Variants in CFAP20DC observed in about 807,000 individuals in gnomAD.
CFAP20DC encodes the protein protein CFAP20DC.
Under a neutral mutation model 101.7 loss-of-function variants are expected in CFAP20DC, and 84 were observed. The ratio of observed to expected loss-of-function variants is 0.83; its 90% CI spans 0.69 to 0.99. The LOEUF (loss-of-function observed/expected upper bound fraction) is 0.99, where lower values mean the gene tolerates loss of function less well. CFAP20DC is among the 50% of genes least tolerant of loss of function. The pLI is 0.00. For missense variants in CFAP20DC, 1,007 were observed against 970.3 expected (o/e 1.04, Z -0.50); for synonymous variants, 359 against 351.2 (o/e 1.02, Z -0.25).
Position 58,788,646 on chromosome 3 carries a change from A to G in CFAP20DC, c.2237+17749T>C, listed in dbSNP as rs1189021670. On this transcript the variant is annotated intron_variant, in intron 15 of 16. Transcript: ENST00000482387. This position sits in a 1 kb window ranked among gnomAD's most constrained non-coding sequence, Gnocchi z 4.2. ...CAGTGGAAAACACTTTGACAATCCAATGTGGAACTGTATATTAGACACACA... is the reference window on the plus strand; with the variant it reads ...CAGTGGAAAACACTTTGACAATCCAGTGTGGAACTGTATATTAGACACACA... Among the ~76,000 whole-genome samples the G allele has an allele frequency of 6.6e-6, 1 of 152,046 alleles. No homozygotes were observed. Among genetic ancestry groups the G allele is most frequent in the Non-Finnish European group, 1.5e-5 (1 of 67,976 alleles).
At position 58,974,563 on chromosome 3, in the gene CFAP20DC, C is replaced by T. The variant is rs148779853; in HGVS notation, c.279-36801G>A. Among the ~76,000 whole-genome samples, 447 of 152,144 alleles carry T rather than the reference C, an allele frequency of 2.9e-3. 3 individuals are homozygous for T. The highest frequency in any genetic ancestry group is 0.014 in the Middle Eastern group (4 of 294). On this transcript the variant is annotated intron_variant, in intron 4 of 16. Coordinates refer to ENST00000482387, the MANE Select transcript of CFAP20DC (RefSeq NM_001394063.1). ...AGAATGATCCTGTATGGCAGATGCA[C>T]CTGAATATGTGTTCAGAGCTAGGGA...
Position 58,799,756 on chromosome 3 carries a change from T to TGC in CFAP20DC, c.2237+6638_2237+6639insGC, listed in dbSNP as rs1417940847. On this transcript the variant is annotated intron_variant, in intron 15 of 16. Transcript: ENST00000482387. The surrounding 1 kb of genome is among the most constrained non-coding windows in gnomAD (Gnocchi z 4.9). The stretch of plus-strand genomic sequence containing the variant: ...GTCTGTGTGTGTGTGTGTGTGTGTG[T>TGC]GTGTGTGTGTGTAGAAAACAGACAA... Among the ~76,000 whole-genome samples, 1 of 151,198 alleles carries TGC rather than the reference T, an allele frequency of 6.6e-6. No individual in the cohort carries two copies. The highest frequency in any genetic ancestry group is 2.4e-5 in the African/African-American group (1 of 41,224).
At chr3:58,816,836 A>G (rs948229578) in intron 14 of CFAP20DC, among the ~76,000 whole-genome samples, 2 of 152,182 alleles carry the variant, frequency 1.3e-5, no homozygotes, top group African/African-American at 4.8e-5. Flanking sequence ...CTCTGGGGGC[A>G]GGGCACAGAC....
chr3:58,858,531 G>C (rs561024165), intron 12 of CFAP20DC, among the ~76,000 whole-genome samples: 1 of 152,086 alleles, frequency 6.6e-6, no homozygotes, highest in Admixed American at 6.6e-5. Flanking sequence ...TGGGACCCAG[G>C]CTCTTTGTAC....
intron 6 of CFAP20DC, among the ~76,000 whole-genome samples, chr3:58,898,783 A>C (rs2082887913): frequency 6.6e-6 from 1 of 152,050 alleles, no homozygotes; most frequent in South Asian, 2.1e-4. Flanking sequence ...TTGAGTTTTC[A>C]GTATTTTTGC....
chr3:58,794,294 T>C (rs759262259), intron 15 of CFAP20DC: 14 of 450,766 alleles, frequency 3.1e-5, no homozygotes, highest in South Asian at 2.2e-4. Flanking sequence ...CCAAATTGCA[T>C]CTGATTTGTC....
At chr3:58,822,525 C>T (rs762093144) in intron 14 of CFAP20DC, among the ~76,000 whole-genome samples, 1 of 150,364 alleles carries the variant, frequency 6.7e-6, no homozygotes, top group Non-Finnish European at 1.5e-5. Context: ...CAGCATGGCA[C>T]ATGTATACAT....
intron 4 of CFAP20DC, among the ~76,000 whole-genome samples, chr3:58,966,928 T>C (rs781315485): frequency 2.6e-5 from 4 of 152,320 alleles, no homozygotes; most frequent in Admixed American, 2.6e-4. Flanking sequence ...ATTGTTAAAA[T>C]GACAATACCC....
At chr3:58,960,887 G>A (rs1335360034) in intron 4 of CFAP20DC, among the ~76,000 whole-genome samples, 1 of 152,100 alleles carries the variant, frequency 6.6e-6, no homozygotes, top group Non-Finnish European at 1.5e-5. Context: ...CATTTAGTAT[G>A]ATAAGCTATA....
In CFAP20DC at chr3:58,869,638, T is replaced by G; in HGVS notation, c.853-148A>C. ...GTTAAGATGTGAAGAAAAAGGAAAT[T>G]ATTATAGGAAATTAGAAATGGAAGG... is the stretch of plus-strand genomic sequence containing the variant. On this transcript the variant is annotated intron_variant, in intron 8 of 16. Coordinates refer to ENST00000482387, the MANE Select transcript of CFAP20DC (RefSeq NM_001394063.1). The surrounding 1 kb of genome is among the most constrained non-coding windows in gnomAD (Gnocchi z 4.3). 1.9e-6 allele frequency: 1 copy of G among 536,306 alleles called. No individual in the cohort carries two copies. The highest frequency in any genetic ancestry group is 3.1e-6 in the Non-Finnish European group (1 of 327,602). 33.2% of individuals were successfully genotyped at this position (536,306 alleles called of 1,614,324 possible).
chr3:58,781,504 C>A (rs1217478359), intron 15 of CFAP20DC, among the ~76,000 whole-genome samples: 1 of 151,610 alleles, frequency 6.6e-6, no homozygotes, highest in Non-Finnish European at 1.5e-5. Flanking sequence ...ATCAACAAAA[C>A]AAAAAGTTGG....
At chr3:58,816,042 T>C (rs564938026) in intron 14 of CFAP20DC, among the ~76,000 whole-genome samples, 2,515 of 151,936 alleles carry the variant, frequency 0.017, 42 homozygotes, top group Non-Finnish European at 0.026. Flanking sequence ...ATCATGCTGC[T>C]ATAAAGACAC....
At chr3:58,888,975 AC>A (rs1377301636) in intron 6 of CFAP20DC, among the ~76,000 whole-genome samples, 1 of 146,688 alleles carries the variant, frequency 6.8e-6, no homozygotes, top group Non-Finnish European at 1.5e-5. Flanking sequence ...CCACAACCTC[AC>A]CAGCATCTAT....
intron 15 of CFAP20DC, among the ~76,000 whole-genome samples, chr3:58,796,076 G>A (rs9817241): frequency 1.3e-5 from 2 of 152,188 alleles, no homozygotes; most frequent in Non-Finnish European, 2.9e-5. Context: ...GCTAGTTGGT[G>A]CCCGGGTCAG....
rs552240245 is a variant in CFAP20DC, at chr3:59,012,692, T to C, written c.278+26865A>G. Among the ~76,000 whole-genome samples the C allele has an allele frequency of 3.3e-5, 5 of 152,336 alleles. No individual in the cohort carries two copies. The South Asian group carries it at 1.0e-3, about 32-fold the overall frequency. On this transcript the variant is annotated intron_variant, in intron 4 of 16. Transcript: ENST00000482387. ...AAACTGCATTATAATTTTTTACAAA[T>C]TGGCCTCTTCCACCAGACTACAGGC...
chr3:58,913,778 G>A lies in CFAP20DC; in HGVS notation c.480C>T (p.Val160=), dbSNP rs1553720812. Residue 160 remains valine (V), a synonymous_variant, in exon 6 of 17, where the codon GTC becomes GTT. Transcript: ENST00000482387. This position sits in a 1 kb window ranked among gnomAD's most constrained non-coding sequence, Gnocchi z 4.4. The part of the protein sequence containing the change: ...AVFQSLDGIV[V]SANCKLRKIF... ...TCTTCCGTAGCTTACAGTTAGCTGA[G>A]ACAACAATTCCATCCAATGACTGGA... The A allele has an allele frequency of 1.2e-6, 2 of 1,613,658 alleles. No homozygotes were observed. The highest frequency in any genetic ancestry group is 1.7e-6 in the Non-Finnish European group (2 of 1,179,752).
intron 4 of CFAP20DC, among the ~76,000 whole-genome samples, chr3:58,996,049 C>G (rs529971368): frequency 1.3e-5 from 2 of 148,366 alleles, no homozygotes; most frequent in South Asian, 4.3e-4. Flanking sequence ...CTGGAGAGCC[C>G]AGATTAATAT....
intron 15 of CFAP20DC, among the ~76,000 whole-genome samples, chr3:58,762,467 C>T (rs1415478775): frequency 1.3e-5 from 2 of 152,282 alleles, no homozygotes; most frequent in Admixed American, 1.3e-4. Flanking sequence ...ATACAGCACA[C>T]TGATGGGTCT....
chr3:58,870,684 C>T (rs1213911343), intron 7 of CFAP20DC, among the ~76,000 whole-genome samples: 2 of 148,706 alleles, frequency 1.3e-5, no homozygotes, highest in East Asian at 2.0e-4. Context: ...GTCAGGAGAT[C>T]GAGACCATCC....
Sources: gnomAD v4.1 joint callset for allele counts (sites outside exome capture counted in the v4.1 genomes callset) on GRCh38, gnomAD v4.1.1 for gene constraint, Gnocchi (gnomAD v3.1) non-coding constraint, MANE v1.5 for transcripts, NCBI Gene and HGNC (gene_info 2026-07-23, HGNC 2026-07-21) for gene names.